DOCK1: variants seen among roughly 807,000 people sequenced by gnomAD.
The protein encoded by DOCK1 is dedicator of cytokinesis protein 1.
A neutral mutation model predicts 262.7 loss-of-function variants in DOCK1; 138 were observed. The observed-to-expected ratio is 0.53, with a 90% CI of 0.46 to 0.61. The LOEUF (loss-of-function observed/expected upper bound fraction) is 0.61. Ranked by LOEUF, DOCK1 falls within the 20% of genes least tolerant of loss-of-function variation. The pLI is 0.00. For missense variants in DOCK1, 1,908 were observed against 2,370.7 expected (o/e 0.80, Z 4.05); for synonymous variants, 866 against 867.4 (o/e 1.00, Z 0.03).
chr10:126,987,388 A>C (rs1056045352), intron 4 of DOCK1, 133 bp from the exon 5 acceptor site: 57 of 636,872 alleles, frequency 8.9e-5, no homozygotes, highest in Non-Finnish European at 1.4e-4. Flanking sequence ...GTGTGCATGC[A>C]GTCTTATTTG....
At chr10:127,104,010 C>T (rs2048395920) in intron 23 of DOCK1, among the ~76,000 whole-genome samples, 1 of 152,140 alleles carries the variant, frequency 6.6e-6, no homozygotes, top group Admixed American at 6.6e-5. Context: ...ATTTGCATTT[C>T]CCTGATGAGT....
chr10:126,977,928 T>C lies in DOCK1; in HGVS notation c.131-20T>C. 1.9e-6 allele frequency: 3 copies of C among 1,613,842 alleles called. No homozygotes were observed. The highest frequency in any genetic ancestry group is 2.5e-6 in the Non-Finnish European group (3 of 1,179,724). ...AACATGTCTCTTTGTACTAACTGTT[T>C]CAACTTTGTGTTTGTTTAGGGTGGT... On this transcript the variant is annotated intron_variant, in intron 2 of 51. Transcript: ENST00000623213.
At position 127,425,880 on chromosome 10, in the gene DOCK1, T is replaced by C. The variant is rs771062074; in HGVS notation, c.4783T>C (p.Phe1595Leu). The stretch of plus-strand genomic sequence containing the variant: ...CAACCTCTCTGTTTTCCAGATTCCT[T>C]TTCTGGCCGAAGGGATCAGAATCCA... ...LKDLIAWQIP[F>L]LAEGIRIHGD... Residue 1595 changes from phenylalanine (F) to leucine (L), a missense_variant, in exon 47 of 52, where the codon TTT becomes CTT. Physicochemically the swap from Phe to Leu is conservative, Grantham distance 22. This residue lies in a region of DOCK1 where 383 missense variants were observed against 420.1 expected (regional missense o/e 0.91). Transcript: ENST00000623213. 4 of 1,613,920 alleles carry C rather than the reference T, an allele frequency of 2.5e-6. No individual in the cohort carries two copies. In the Admixed American group the frequency reaches 6.7e-5, roughly 27 times the overall value.
chr10:126,980,393 A>G (rs1011632906), intron 3 of DOCK1, among the ~76,000 whole-genome samples: 4 of 151,968 alleles, frequency 2.6e-5, no homozygotes, highest in Non-Finnish European at 4.4e-5. Flanking sequence ...AAAGGGTCTC[A>G]CCATCTTGCC....
At position 127,140,857 on chromosome 10, in the gene DOCK1, C is replaced by T. The variant is rs565695600; in HGVS notation, c.2847+13093C>T. 2.0e-5 allele frequency among the ~76,000 whole-genome samples: 3 copies of T among 152,304 alleles called. No homozygotes were observed. The South Asian group carries it at 6.2e-4, about 32-fold the overall frequency. ...TGGAGAAAAGCTGCCGGTAGATGTT[C>T]CAGGGCACTGGGACTGCCCTGCACA... On this transcript the variant is annotated intron_variant, in intron 27 of 51. Transcript: ENST00000623213.
intron 49 of DOCK1, among the ~76,000 whole-genome samples, chr10:127,439,801 G>A (rs999884618): frequency 1.8e-4 from 28 of 152,072 alleles, no homozygotes; most frequent in African/African-American, 6.0e-4. Flanking sequence ...CACATGACCC[G>A]TACTGCTGAG....
intron 1 of DOCK1, among the ~76,000 whole-genome samples, chr10:126,909,528 C>T (rs1280386568): frequency 6.6e-6 from 1 of 152,196 alleles, no homozygotes; most frequent in South Asian, 2.1e-4. Flanking sequence ...CCCTTGAGAT[C>T]TGTTACTAAG....
rs149976644 is a variant in DOCK1, at chr10:127,443,909, C to T, written c.5260-217C>T. ...TAAGGTTTTCCAGAGTTTCCTCCCC[C>T]GGTCCCCCATTCCTTTTCATGTCTT... On this transcript the variant is annotated intron_variant, in intron 49 of 51. Coordinates refer to ENST00000623213, the MANE Select transcript of DOCK1 (RefSeq NM_001290223.2). 5.3e-3 allele frequency among the ~76,000 whole-genome samples: 800 copies of T among 152,122 alleles called. 35 individuals carry two copies. Among genetic ancestry groups the T allele is most frequent in the Admixed American group, 0.043 (659 of 15,276 alleles).
rs948023036 is a variant in DOCK1 at position 126,954,000 on chromosome 10, C to T, written c.47-16702C>T. Among the ~76,000 whole-genome samples, 15 of 152,252 alleles carry T rather than the reference C, an allele frequency of 9.9e-5. No individual in the cohort carries two copies. In the South Asian group the frequency reaches 1.2e-3, roughly 13 times the overall value. ...GTCATGGTGGACACACTGTCGTGGG[C>T]GCTTTCTGGGCAAAGTCTCCCCTGC... is the stretch of plus-strand genomic sequence containing the variant. On this transcript the variant is annotated intron_variant, in intron 1 of 51. Coordinates refer to ENST00000623213, the MANE Select transcript of DOCK1 (RefSeq NM_001290223.2).
At chr10:127,420,982 C>T (rs1316516001) in intron 46 of DOCK1, among the ~76,000 whole-genome samples, 2 of 151,722 alleles carry the variant, frequency 1.3e-5, no homozygotes, top group African/African-American at 4.8e-5. Context: ...AGTAGCGTGA[C>T]CTCAGCTTAC....
intron 23 of DOCK1, among the ~76,000 whole-genome samples, chr10:127,080,509 G>A (rs2046840522): frequency 6.6e-6 from 1 of 151,938 alleles, no homozygotes; most frequent in Admixed American, 6.6e-5. Context: ...TTGCTTCACT[G>A]CAGTCACATT....
chr10:127,078,327 T>C (rs1360870429), intron 23 of DOCK1, among the ~76,000 whole-genome samples: 1 of 152,174 alleles, frequency 6.6e-6, no homozygotes, highest in Non-Finnish European at 1.5e-5. Context: ...GAAACTTGCA[T>C]GTCTGCTTTC....
chr10:127,152,775 T>A (rs562769901), intron 27 of DOCK1, among the ~76,000 whole-genome samples: 2 of 152,374 alleles, frequency 1.3e-5, no homozygotes, highest in East Asian at 3.9e-4. Context: ...AGGAATGTGC[T>A]GATGTGGCCT....
intron 38 of DOCK1, among the ~76,000 whole-genome samples, chr10:127,400,867 A>G (rs540990182): frequency 1.1e-3 from 161 of 152,318 alleles, no homozygotes; most frequent in African/African-American, 3.7e-3. Context: ...TAAGGTTTAA[A>G]TGATAATAGG....
chr10:127,226,540 C>T (rs990667988), intron 27 of DOCK1, among the ~76,000 whole-genome samples: 4 of 151,896 alleles, frequency 2.6e-5, no homozygotes, highest in African/African-American at 7.3e-5. Flanking sequence ...GTCAGGAGTT[C>T]GAGACCAGCC....
At chr10:127,447,031 G>T (rs1363014326) in intron 50 of DOCK1, among the ~76,000 whole-genome samples, 2 of 152,182 alleles carry the variant, frequency 1.3e-5, no homozygotes, top group African/African-American at 4.8e-5. Flanking sequence ...CAGCAGCAGC[G>T]GAGACGGTCC....
chr10:127,074,210 T>C (rs1163931239), intron 23 of DOCK1, among the ~76,000 whole-genome samples: 2 of 152,236 alleles, frequency 1.3e-5, no homozygotes, highest in Admixed American at 6.5e-5. Context: ...CATGGAGTTA[T>C]ATGAGTTTGG....
intron 1 of DOCK1, among the ~76,000 whole-genome samples, chr10:126,944,589 G>T (rs1453152235): frequency 2.0e-5 from 3 of 152,112 alleles, no homozygotes; most frequent in Middle Eastern, 3.2e-3. Flanking sequence ...GGAGACCGGG[G>T]AGCGGAGGCC....
In DOCK1 at chr10:126,925,859, A is replaced by G. The variant is rs138657887; in HGVS notation, c.46+20296A>G. Among the ~76,000 whole-genome samples, 65 of 151,354 alleles carry G rather than the reference A, an allele frequency of 4.3e-4. No individual in the cohort carries two copies. The East Asian group carries it at 8.6e-3, about 20-fold the overall frequency. Reference sequence around the variant, plus strand: ...TGGGCTTATGTCACAGTAGGGTGTGATGTGGGGTGTGCCTGCTATGTGTGT... The same window carrying G: ...TGGGCTTATGTCACAGTAGGGTGTGGTGTGGGGTGTGCCTGCTATGTGTGT... On this transcript the variant is annotated intron_variant, in intron 1 of 51. Transcript: ENST00000623213.
Sources: allele counts gnomAD v4.1 joint callset (sites outside exome capture counted in the v4.1 genomes callset), GRCh38; gene constraint gnomAD v4.1.1; regional missense constraint gnomAD v4.1.1; transcripts MANE v1.5; gene names NCBI Gene and HGNC (gene_info 2026-07-23, HGNC 2026-07-21).